C12orf42: variants seen among roughly 807,000 people sequenced by gnomAD.
C12orf42 encodes uncharacterized protein C12orf42.
A neutral mutation model predicts 21.6 loss-of-function variants in C12orf42; 25 were observed. The observed-to-expected ratio is 1.16, with a 90% confidence interval of 0.84 to 1.62. The LOEUF is 1.62. Among genes scored for constraint, C12orf42 ranks in the 40% most tolerant of loss-of-function variants. The pLI is 0.00. For missense variants in C12orf42, 483 were observed against 459.3 expected, an observed-to-expected ratio of 1.05 and a Z score of -0.47; for synonymous variants, 174 against 175.0, an observed-to-expected ratio of 0.99 and a Z score of 0.05.
intron 4 of C12orf42, among the ~76,000 whole-genome samples, chr12:103,356,013 T>C (rs575527236): frequency 8.8e-4 from 134 of 152,190 alleles, no homozygotes; most frequent in African/African-American, 2.7e-3. Context: ...TCATTTTAAC[T>C]CAAGGTAAGT....
At chr12:103,101,473 T>G in the C12orf42 span, among the ~76,000 whole-genome samples, 1 of 152,184 alleles carries the variant, frequency 6.6e-6, no homozygotes, top group East Asian at 1.9e-4. Context: ...CAATAGCCAT[T>G]ATCATCAAGA....
At chr12:103,496,659 AT>A (rs1476253630), upstream of C12orf42, among the ~76,000 whole-genome samples, 23 of 152,296 alleles carry the variant, frequency 1.5e-4, no homozygotes, top group African/African-American at 5.3e-4. Context: ...ATCACAACTC[AT>A]AATATATAAA....
intron 3 of C12orf42, among the ~76,000 whole-genome samples, chr12:103,394,891 T>C (rs12812843): frequency 6.6e-6 from 1 of 152,056 alleles, no homozygotes; most frequent in South Asian, 2.1e-4. Flanking sequence ...AGGTGGGAGC[T>C]TCCAGAGAAA....
chr12:103,055,446 C>G, the C12orf42 span, among the ~76,000 whole-genome samples: 1,549 of 151,962 alleles, frequency 0.01, 11 homozygotes, highest in Middle Eastern at 0.017. Context: ...TGTCTTCTCT[C>G]TCATTTTGTC....
At chr12:103,300,225 G>A (rs551940712), downstream of C12orf42, among the ~76,000 whole-genome samples, 2 of 152,260 alleles carry the variant, frequency 1.3e-5, no homozygotes, top group South Asian at 4.1e-4. Flanking sequence ...AGGATTCCAT[G>A]ATTAAATAAG....
At chr12:103,277,110 A>G (rs765129048) in intron 5 of C12orf42, 5 of 455,376 alleles carry the variant, frequency 1.1e-5, no homozygotes, top group East Asian at 7.0e-5. Context: ...AACAAAATTC[A>G]ACAACTTACG....
chr12:103,335,701 T>G (rs1808995509), intron 4 of C12orf42, among the ~76,000 whole-genome samples: 1 of 152,120 alleles, frequency 6.6e-6, no homozygotes, highest in South Asian at 2.1e-4. Context: ...AGTTCAGTGG[T>G]TCTCAAATAT....
chr12:103,053,782 T>C, the C12orf42 span, among the ~76,000 whole-genome samples: 4 of 151,972 alleles, frequency 2.6e-5, no homozygotes, highest in Non-Finnish European at 4.4e-5. Context: ...GTACAAGATG[T>C]GAGACTTAGA....
At chr12:103,062,238 T>G in the C12orf42 span, among the ~76,000 whole-genome samples, 1 of 151,554 alleles carries the variant, frequency 6.6e-6, no homozygotes, top group Non-Finnish European at 1.5e-5. Context: ...TCCCTTTCTA[T>G]TTCTTTCTTT....
chr12:103,141,422 G>A, the C12orf42 span, among the ~76,000 whole-genome samples: 1 of 152,080 alleles, frequency 6.6e-6, no homozygotes, highest in Non-Finnish European at 1.5e-5. Context: ...TTAATGACAT[G>A]CAGGCTGAAA....
In C12orf42 at chr12:103,363,625, C is replaced by T. The variant is rs372312859; in HGVS notation, c.259+5262G>A. 3.4e-3 allele frequency among the ~76,000 whole-genome samples: 515 copies of T among 152,144 alleles called. 3 individuals are homozygous for T. The highest frequency in any genetic ancestry group is 0.012 in the African/African-American group (488 of 41,532). ...ACTCCCCTGACACATAGGACTCACACAAACTTAAGGTAAAGGGGTGGAAAG... is the reference window on the plus strand; with the variant it reads ...ACTCCCCTGACACATAGGACTCACATAAACTTAAGGTAAAGGGGTGGAAAG... On this transcript the variant is annotated intron_variant, in intron 4 of 5. Transcript: ENST00000548883.
the C12orf42 span, among the ~76,000 whole-genome samples, chr12:103,093,468 G>T: frequency 6.6e-6 from 1 of 152,178 alleles, no homozygotes. Flanking sequence ...AGAACTCAGT[G>T]TAAACATTAT....
intron 4 of C12orf42, among the ~76,000 whole-genome samples, chr12:103,307,660 G>A (rs2038506160): frequency 1.3e-5 from 2 of 152,148 alleles, no homozygotes; most frequent in African/African-American, 2.4e-5. Context: ...AGCCAATTTG[G>A]TAGTGGGTTG....
the C12orf42 span, among the ~76,000 whole-genome samples, chr12:103,077,038 G>T: frequency 2.2e-4 from 33 of 152,266 alleles, no homozygotes; most frequent in African/African-American, 7.2e-4. Context: ...AATTGTACCT[G>T]TATATAAACT....
At chr12:103,051,196 G>T in the C12orf42 span, among the ~76,000 whole-genome samples, 2 of 152,134 alleles carry the variant, frequency 1.3e-5, no homozygotes, top group Non-Finnish European at 2.9e-5. Flanking sequence ...GACTAATAAG[G>T]TATAAGTTAG....
the C12orf42 span, among the ~76,000 whole-genome samples, chr12:103,119,486 A>G: frequency 6.6e-6 from 1 of 152,182 alleles, no homozygotes. Context: ...AGCTCAGGAA[A>G]TAGGCTATGG....
chr12:103,469,493 T>C (rs1487136250), intron 2 of C12orf42, among the ~76,000 whole-genome samples: 1 of 152,226 alleles, frequency 6.6e-6, no homozygotes, highest in Non-Finnish European at 1.5e-5. Flanking sequence ...TATGAATACT[T>C]TTTTAAGAAA....
At chr12:103,098,437 G>T in the C12orf42 span, among the ~76,000 whole-genome samples, 2 of 152,004 alleles carry the variant, frequency 1.3e-5, no homozygotes. Context: ...ACTTACTAAA[G>T]ATACCAGAGA....
At chr12:103,206,421 T>C in the C12orf42 span, among the ~76,000 whole-genome samples, 1 of 152,160 alleles carries the variant, frequency 6.6e-6, no homozygotes. Flanking sequence ...AAGGGACACT[T>C]TGGGGCTCCT....
Sources: allele counts gnomAD v4.1 joint callset (sites outside exome capture counted in the v4.1 genomes callset), GRCh38; gene constraint gnomAD v4.1.1; transcripts MANE v1.5; gene names NCBI Gene and HGNC (gene_info 2026-07-23, HGNC 2026-07-21).